Variants in MSI2 observed in about 807,000 individuals in gnomAD.
MSI2 encodes musashi RNA binding protein 2.
A neutral mutation model predicts 45.6 loss-of-function variants in MSI2; 17 were observed. That is an observed-to-expected ratio of 0.37 (90% CI 0.26 to 0.56). The LOEUF is 0.56. Ranked by LOEUF, MSI2 falls within the 20% of genes least tolerant of loss-of-function variation. The pLI is 0.77. For synonymous variants in MSI2, 156 were observed against 158.2 expected (o/e 0.99, Z 0.11); for missense variants, 293 against 444.2 (o/e 0.66, Z 3.06).
chr17:57,485,209 G>A (rs2085728446), intron 6 of MSI2, among the ~76,000 whole-genome samples: 1 of 152,184 alleles, frequency 6.6e-6, no homozygotes, highest in Admixed American at 6.5e-5. Context: ...CTTAGGAAAG[G>A]TGGCCCAGGT....
At chr17:57,648,196 GT>G (rs1480892191) in intron 10 of MSI2, among the ~76,000 whole-genome samples, 1 of 148,178 alleles carries the variant, frequency 6.7e-6, no homozygotes, top group Non-Finnish European at 1.5e-5. Context: ...TAGTGACAGG[GT>G]TTTCCCATGT....
intron 10 of MSI2, among the ~76,000 whole-genome samples, chr17:57,648,723 G>T (rs1910888767): frequency 6.6e-6 from 1 of 152,144 alleles, no homozygotes; most frequent in South Asian, 2.1e-4. Context: ...GCCCTATGAA[G>T]AAGCCTTGAG....
At chr17:57,697,645 G>C in the MSI2 span, among the ~76,000 whole-genome samples, 8 of 152,166 alleles carry the variant, frequency 5.3e-5, no homozygotes, top group African/African-American at 1.9e-4. Context: ...ACGGTCTCAC[G>C]TAGTTGGGGA....
At chr17:57,469,678 G>A (rs1468340291) in intron 6 of MSI2, among the ~76,000 whole-genome samples, 1 of 152,242 alleles carries the variant, frequency 6.6e-6, no homozygotes, top group African/African-American at 2.4e-5. Flanking sequence ...AAGGGTTGGT[G>A]AGAGACTAGA....
chr17:57,685,098 C>T (rs73318420), downstream of MSI2, among the ~76,000 whole-genome samples: 8,779 of 152,188 alleles, frequency 0.058, 815 homozygotes, highest in African/African-American at 0.2. Flanking sequence ...TCCACGACCC[C>T]TGAGTAGGGG....
At chr17:57,256,887 C>A (rs1598032199) in intron 1 of MSI2, 83 bp downstream of exon 1, 4 of 1,100,040 alleles carry the variant, frequency 3.6e-6, no homozygotes, top group Admixed American at 3.2e-5. Context: ...CGGAGCCGGG[C>A]ATCTCCCGCG....
chr17:57,383,542 T>A (rs910346497), intron 5 of MSI2, among the ~76,000 whole-genome samples: 3 of 152,130 alleles, frequency 2.0e-5, no homozygotes, highest in Non-Finnish European at 2.9e-5. Flanking sequence ...ATGCCTGTCA[T>A]CCCAGCTACT....
intron 5 of MSI2, among the ~76,000 whole-genome samples, chr17:57,290,104 T>TA (rs1910279915): frequency 6.6e-6 from 1 of 152,140 alleles, no homozygotes; most frequent in South Asian, 2.1e-4. Context: ...CCCAGCCAGT[T>TA]ATAGAGGTGG....
chr17:57,399,322 T>A (rs1215988485), intron 5 of MSI2, among the ~76,000 whole-genome samples: 1 of 152,210 alleles, frequency 6.6e-6, no homozygotes, highest in Non-Finnish European at 1.5e-5. Context: ...AGCCACTGCT[T>A]GGTTCTAATG....
At chr17:57,564,184 G>A (rs1239208861) in intron 7 of MSI2, among the ~76,000 whole-genome samples, 1 of 152,216 alleles carries the variant, frequency 6.6e-6, no homozygotes, top group East Asian at 1.9e-4. Context: ...ACAGGGCACA[G>A]ATGGCTGGGT....
At chr17:57,302,041 G>T (rs190622026) in intron 5 of MSI2, among the ~76,000 whole-genome samples, 1 of 152,168 alleles carries the variant, frequency 6.6e-6, no homozygotes, top group Admixed American at 6.5e-5. Flanking sequence ...GTGGAATCTC[G>T]TTGTGGTTTT....
intron 7 of MSI2, among the ~76,000 whole-genome samples, chr17:57,588,913 A>G (rs1233170137): frequency 6.6e-6 from 1 of 152,204 alleles, no homozygotes; most frequent in Non-Finnish European, 1.5e-5. Context: ...TCGTCTGTGA[A>G]GTGGGAACAA....
At chr17:57,695,573 C>T in the MSI2 span, among the ~76,000 whole-genome samples, 30 of 151,996 alleles carry the variant, frequency 2.0e-4, no homozygotes, top group Non-Finnish European at 3.1e-4. Flanking sequence ...GTATAGGCAC[C>T]GTCTCTTCTG....
At chr17:57,491,747 T>C (rs1285427104) in intron 6 of MSI2, among the ~76,000 whole-genome samples, 1 of 152,130 alleles carries the variant, frequency 6.6e-6, no homozygotes, top group Non-Finnish European at 1.5e-5. Flanking sequence ...ATGATGATGA[T>C]GATTTTTTCA....
At chr17:57,616,646 A>C (rs1907740326) in intron 9 of MSI2, 1 of 151,808 alleles carries the variant, frequency 6.6e-6, no homozygotes, top group Admixed American at 6.6e-5. Context: ...AAAAAAAAAA[A>C]GATGAAAGAC....
At chr17:57,441,270 G>A (rs1295154501) in intron 6 of MSI2, among the ~76,000 whole-genome samples, 1 of 152,138 alleles carries the variant, frequency 6.6e-6, no homozygotes, top group Non-Finnish European at 1.5e-5. Flanking sequence ...TCTTTTTCAT[G>A]CATTTGGTGC....
At chr17:57,337,368 A>G (rs1017779506) in intron 5 of MSI2, among the ~76,000 whole-genome samples, 17 of 152,210 alleles carry the variant, frequency 1.1e-4, no homozygotes, top group African/African-American at 3.6e-4. Flanking sequence ...TTTTACTTCC[A>G]CTGTCTGATG....
At chr17:57,325,807 C>G (rs919377027) in intron 5 of MSI2, among the ~76,000 whole-genome samples, 2 of 152,202 alleles carry the variant, frequency 1.3e-5, no homozygotes, top group African/African-American at 4.8e-5. Flanking sequence ...CGGATGCCTG[C>G]CGTACCAAGC....
chr17:57,270,284 A>AG (rs34453135), intron 5 of MSI2, among the ~76,000 whole-genome samples: 8,954 of 152,224 alleles, frequency 0.059, 820 homozygotes, highest in African/African-American at 0.2. Context: ...TCCGTTTGAC[A>AG]GTGGGTAAAC....
Sources: allele counts gnomAD v4.1 joint callset (sites outside exome capture counted in the v4.1 genomes callset), GRCh38; gene constraint gnomAD v4.1.1; transcripts MANE v1.5; gene names NCBI Gene and HGNC (gene_info 2026-07-23, HGNC 2026-07-21).